Variants in AKAP10 observed in about 807,000 individuals in gnomAD.
AKAP10 encodes A-kinase anchor protein 10, mitochondrial.
In AKAP10, 24 loss-of-function variants were observed where a neutral mutation model predicts 80.8. The observed-to-expected ratio is 0.30, with a 90% CI of 0.22 to 0.42. The LOEUF (loss-of-function observed/expected upper bound fraction) is 0.42, where lower values mean the gene tolerates loss of function less well. AKAP10 is among the 10% of genes least tolerant of loss of function. AKAP10 has a pLI of 1.00. For synonymous variants in AKAP10, 291 were observed against 277.7 expected (o/e 1.05, Z -0.48); for missense variants, 661 against 794.9 (o/e 0.83, Z 2.03).
intron 10 of AKAP10, chr17:19,929,610 T>A (rs902685634): frequency 1.3e-5 from 2 of 152,162 alleles, no homozygotes; most frequent in African/African-American, 4.8e-5. Context: ...GTTTTCTATA[T>A]ATATAGTATC....
intron 3 of AKAP10, among the ~76,000 whole-genome samples, chr17:19,959,141 C>T (rs566636535): frequency 1.3e-4 from 20 of 152,182 alleles, no homozygotes; most frequent in African/African-American, 4.8e-4. Flanking sequence ...GCGTGAGCCA[C>T]TGCGCCCAGC....
At chr17:19,906,631 A>G (rs2042633972) in intron 14 of AKAP10, among the ~76,000 whole-genome samples, 1 of 152,356 alleles carries the variant, frequency 6.6e-6, no homozygotes, top group East Asian at 1.9e-4. Context: ...TCCTGTAGTC[A>G]CAGCACTGCG....
In AKAP10 at chr17:19,958,556, T is replaced by C; in HGVS notation, c.335A>G (p.Asp112Gly). The C allele has an allele frequency of 1.9e-6, 3 of 1,600,308 alleles. No homozygotes were observed. Among genetic ancestry groups the C allele is most frequent in the Non-Finnish European group, 2.5e-6 (3 of 1,177,562 alleles). ...TGATTTGGTCTCTTGAGTCTGGTAG[T>C]CCAGACAAGATCTGCCTAAAAGATA... ...HFGDLGRSCL[D>G]YQTQETKSSL... is the part of the protein sequence containing the mutation. The change falls in exon 4 of 15, where the codon GAC (aspartate) becomes GGC (glycine). Residue 112 changes from aspartate (D) to glycine (G), a missense_variant. Coordinates refer to ENST00000225737, the MANE Select transcript of AKAP10 (RefSeq NM_007202.4).
chr17:19,976,421 C>T (rs1041819174), intron 1 of AKAP10, among the ~76,000 whole-genome samples: 1 of 151,582 alleles, frequency 6.6e-6, no homozygotes, highest in Non-Finnish European at 1.5e-5. Context: ...ACAGAGGTTG[C>T]AGTGAGCCGA....
At chr17:19,931,640 C>T (rs80153032) in intron 10 of AKAP10, among the ~76,000 whole-genome samples, 165 bp downstream of exon 10, 1,877 of 152,226 alleles carry the variant, frequency 0.012, 36 homozygotes, top group African/African-American at 0.043. Flanking sequence ...ATCCGCCCAC[C>T]GCAGCCTCCC....
intron 5 of AKAP10, among the ~76,000 whole-genome samples, chr17:19,946,248 T>TATATATAAA (rs2043117468): frequency 1.1e-4 from 2 of 18,170 alleles, no homozygotes; most frequent in African/African-American, 5.1e-4. Flanking sequence ...TATATATATA[T>TATATATAAA]ATATATATAT....
At chr17:19,914,801 C>A (rs1295744588) in intron 12 of AKAP10, among the ~76,000 whole-genome samples, 1 of 151,890 alleles carries the variant, frequency 6.6e-6, no homozygotes, top group Admixed American at 6.6e-5. Context: ...CAGGGCTTGC[C>A]ACAGCCATGA....
chr17:19,916,516 C>A (rs1003062951), intron 12 of AKAP10, among the ~76,000 whole-genome samples: 2 of 151,992 alleles, frequency 1.3e-5, no homozygotes, highest in African/African-American at 4.8e-5. Flanking sequence ...CACCTTAATT[C>A]ATATAAAACA....
chr17:19,967,634 G>A (rs1487260207), intron 2 of AKAP10, among the ~76,000 whole-genome samples: 1 of 152,228 alleles, frequency 6.6e-6, no homozygotes, highest in Non-Finnish European at 1.5e-5. Context: ...TGTAATCCCA[G>A]GACTTTGGGA....
chr17:19,941,700 G>T (rs1348046084), intron 6 of AKAP10, 126 bp downstream of exon 6: 2 of 552,938 alleles, frequency 3.6e-6, no homozygotes, highest in East Asian at 6.9e-5. Flanking sequence ...TGCTTTATAT[G>T]ATCTTGTAAA....
rs1555576593 is a variant in AKAP10 at position 19,946,222 on chromosome 17, T to TTTATA, written c.976+1184_976+1185insTATAA. Among the ~76,000 whole-genome samples, 19 of 33,960 alleles carry TTTATA rather than the reference T, an allele frequency of 5.6e-4. No individual in the cohort carries two copies. The East Asian group carries it at 6.2e-3, about 11-fold the overall frequency. 22.3% of individuals were successfully genotyped at this position (33,960 alleles called of 152,430 possible). A position where few individuals can be genotyped will look rare whatever the true frequency, so the allele number is the denominator to read the frequency against. On this transcript the variant is annotated intron_variant, in intron 5 of 14. Coordinates refer to ENST00000225737, the MANE Select transcript of AKAP10 (RefSeq NM_007202.4). ...CATATATTTTATATATATATATATT[T>TTTATA]TATATATATATATATTATATATATA...
chr17:19,909,427 C>T, intron 13 of AKAP10, 151 bp from the exon 14 acceptor site: 1 of 657,786 alleles, frequency 1.5e-6, no homozygotes, highest in Non-Finnish European at 2.5e-6. Context: ...ACCTGGGCCA[C>T]CCTCTGGCTA....
chr17:19,946,618 G>GT (rs1188111414), intron 5 of AKAP10, among the ~76,000 whole-genome samples: 2 of 145,786 alleles, frequency 1.4e-5, no homozygotes, highest in African/African-American at 5.1e-5. Context: ...TGTTATTCAG[G>GT]TTAAAGCCTA....
chr17:19,941,678 C>A, intron 6 of AKAP10, 148 bp downstream of exon 6: 1 of 458,730 alleles, frequency 2.2e-6, no homozygotes, highest in Non-Finnish European at 3.6e-6. Flanking sequence ...AACTGTTAAC[C>A]AAGATAGAGT....
At chr17:19,935,059 T>G (rs567178061) in intron 9 of AKAP10, among the ~76,000 whole-genome samples, 2 of 152,196 alleles carry the variant, frequency 1.3e-5, no homozygotes, top group Non-Finnish European at 2.9e-5. Context: ...TCCGTTAGGC[T>G]GCTTGCCATT....
rs2042622048 is a variant in AKAP10, at chr17:19,905,351, A to C, written c.*876T>G. The C allele has an allele frequency of 1.3e-5, 2 of 152,156 alleles. No homozygotes were observed. The highest frequency in any genetic ancestry group is 1.3e-4 in the Admixed American group (2 of 15,252). 9.4% of individuals were successfully genotyped at this position (152,156 alleles called of 1,614,324 possible). On this transcript the variant is annotated 3_prime_UTR_variant, in exon 15 of 15. Coordinates refer to ENST00000225737, the MANE Select transcript of AKAP10 (RefSeq NM_007202.4). Reference sequence around the variant, plus strand: ...AGTCATCCTGCTCACCTTATTTAAAAAAAAAAAAAGTATAATTTGGGAAGA... The same window carrying C: ...AGTCATCCTGCTCACCTTATTTAAACAAAAAAAAAGTATAATTTGGGAAGA...
At chr17:19,907,858 G>A (rs1315737855) in intron 14 of AKAP10, among the ~76,000 whole-genome samples, 3 of 151,678 alleles carry the variant, frequency 2.0e-5, no homozygotes, top group Non-Finnish European at 2.9e-5. Context: ...TGTGATTGAC[G>A]TCAGACATTC....
intron 1 of AKAP10, among the ~76,000 whole-genome samples, chr17:19,970,859 T>C (rs1166325132): frequency 1.3e-5 from 2 of 152,002 alleles, no homozygotes; most frequent in Non-Finnish European, 2.9e-5. Flanking sequence ...AAAGACATTT[T>C]CCTTCCATGT....
intron 12 of AKAP10, among the ~76,000 whole-genome samples, chr17:19,915,463 T>C (rs146081835): frequency 3.3e-5 from 5 of 152,304 alleles, no homozygotes; most frequent in African/African-American, 9.6e-5. Context: ...GCCTGGCACA[T>C]AGTAATCACT....
Sources: allele counts gnomAD v4.1 joint callset (sites outside exome capture counted in the v4.1 genomes callset), GRCh38; gene constraint gnomAD v4.1.1; transcripts MANE v1.5; gene names NCBI Gene and HGNC (gene_info 2026-07-23, HGNC 2026-07-21).